Variants in MLXIPL observed in about 807,000 individuals in gnomAD.
MLXIPL encodes the protein MLX interacting protein like, also known as carbohydrate-responsive element-binding protein.
MLXIPL carries 49 observed loss-of-function variants against 81.5 expected under a neutral mutation model. That is an observed-to-expected ratio of 0.60 (90% CI 0.48 to 0.76). The LOEUF (loss-of-function observed/expected upper bound fraction) is 0.76. Ranked by LOEUF, MLXIPL falls within the 30% of genes least tolerant of loss-of-function variation. The pLI, the probability that MLXIPL is intolerant of heterozygous loss-of-function variation, is 0.00. For missense variants in MLXIPL, 1,053 were observed against 1,167.0 expected (o/e 0.90, Z 1.42); for synonymous variants, 466 against 485.5 (o/e 0.96, Z 0.53).
In MLXIPL at chr7:73,599,571, C is replaced by CG; in HGVS notation, c.1025dup (p.Ala343GlyfsTer33). 1 of 1,612,788 alleles carries CG rather than the reference C, an allele frequency of 6.2e-7. No individual in the cohort carries two copies. Among genetic ancestry groups the CG allele is most frequent in the Non-Finnish European group, 8.5e-7 (1 of 1,179,598 alleles). ...AGAGGTGGGTCATGGCCGAGGAAGC[C>CG]GGGGGCACCTCTGGGCCCAGGGTCC... On this transcript the variant is annotated frameshift_variant, in exon 8 of 17. Transcript: ENST00000313375. LOFTEE classifies it high-confidence loss of function.
At position 73,593,538 on chromosome 7, in the gene MLXIPL, T is replaced by A. The variant is rs1794016785; in HGVS notation, c.*327A>T. On this transcript the variant is annotated 3_prime_UTR_variant, in exon 17 of 17. Coordinates refer to ENST00000313375, the MANE Select transcript of MLXIPL (RefSeq NM_032951.3). ...GAGTTGCCAGCCTAGGCCCCCAATG[T>A]CACAGCTGCCAAGGCCTGGGGGTCA... 2.9e-6 allele frequency: 1 copy of A among 348,122 alleles called. No individual in the cohort carries two copies. The highest frequency in any genetic ancestry group is 2.1e-5 in the African/African-American group (1 of 47,202). The allele number at this position is 348,122 out of a possible 1,614,324, so 21.6% of individuals were successfully genotyped here.
chr7:73,610,873 G>C (rs1162017392), intron 2 of MLXIPL: 10 of 152,100 alleles, frequency 6.6e-5, no homozygotes, highest in African/African-American at 2.4e-4. Flanking sequence ...ACCCAGGCTG[G>C]AGTGCAGTGG....
At chr7:73,641,312 C>A in the MLXIPL span, among the ~76,000 whole-genome samples, 6 of 152,142 alleles carry the variant, frequency 3.9e-5, no homozygotes, top group Non-Finnish European at 2.9e-5. Flanking sequence ...TCACTGGGGA[C>A]CCATGGATCA....
At chr7:73,618,556 C>G (rs920023384) in intron 1 of MLXIPL, among the ~76,000 whole-genome samples, 3 of 150,384 alleles carry the variant, frequency 2.0e-5, no homozygotes, top group African/African-American at 7.3e-5. Context: ...TCTCCAAGTT[C>G]CTGTGTTTGC....
the MLXIPL span, among the ~76,000 whole-genome samples, chr7:73,631,363 A>C: frequency 6.6e-6 from 1 of 151,946 alleles, no homozygotes; most frequent in Non-Finnish European, 1.5e-5. Flanking sequence ...CTCTACAGCT[A>C]AGTGCAGCCC....
the MLXIPL span, among the ~76,000 whole-genome samples, chr7:73,633,817 C>T: frequency 3.3e-5 from 5 of 152,138 alleles, no homozygotes; most frequent in East Asian, 9.6e-4. Context: ...AAACATGCCT[C>T]TGCCTCTTTT....
upstream of MLXIPL, chr7:73,624,534 C>G: frequency 6.7e-7 from 1 of 1,497,550 alleles, no homozygotes; most frequent in East Asian, 2.6e-5. Flanking sequence ...CTCCGCGCAG[C>G]GCGGGGAACA....
At chr7:73,614,871 C>T (rs902777361) in intron 2 of MLXIPL, among the ~76,000 whole-genome samples, 10 of 146,044 alleles carry the variant, frequency 6.8e-5, no homozygotes, top group African/African-American at 1.5e-4. Flanking sequence ...AGTGCAGCGG[C>T]GCGATCTCAG....
intron 7 of MLXIPL, among the ~76,000 whole-genome samples, chr7:73,602,117 TG>T (rs1563487181): frequency 1.8e-4 from 26 of 143,154 alleles, no homozygotes; most frequent in African/African-American, 6.8e-4. Context: ...CCTGCCTGCC[TG>T]CCTGCCTGCC....
chr7:73,639,827 G>A, the MLXIPL span, among the ~76,000 whole-genome samples: 3 of 152,018 alleles, frequency 2.0e-5, no homozygotes, highest in African/African-American at 7.2e-5. Context: ...GGGAGGCTGA[G>A]GCGGGTGGAT....
Position 73,596,192 on chromosome 7 carries a change from A to T in MLXIPL, c.2019T>A (p.His673Gln). Residue 673 changes from histidine to glutamine, a missense_variant, in exon 13 of 17, where the codon CAT becomes CAA. By Grantham distance (24) the His-to-Gln change is conservative. Coordinates refer to ENST00000313375, the MANE Select transcript of MLXIPL (RefSeq NM_032951.3). This position sits in a 1 kb window ranked among gnomAD's most constrained non-coding sequence, Gnocchi z 4.7. ...FNIKLGFDTL[H>Q]GLVSTLSAQP... The stretch of plus-strand genomic sequence containing the variant: ...GGGCACTGAGTGTGCTCACGAGCCC[A>T]TGAAGGGTGTCAAACCCCAGCTTGA... 1 of 1,613,500 alleles carries T rather than the reference A, an allele frequency of 6.2e-7. No individual in the cohort carries two copies. Among genetic ancestry groups the T allele is most frequent in the Non-Finnish European group, 8.5e-7 (1 of 1,179,980 alleles).
chr7:73,604,303 G>A (rs1554597263), intron 7 of MLXIPL, among the ~76,000 whole-genome samples: 1 of 147,014 alleles, frequency 6.8e-6, no homozygotes, highest in Non-Finnish European at 1.5e-5. Flanking sequence ...TGGGCACGGT[G>A]GCACACACCT....
upstream of MLXIPL, chr7:73,624,536 CG>C: frequency 6.7e-7 from 1 of 1,494,684 alleles, no homozygotes; most frequent in Non-Finnish European, 8.9e-7. Context: ...CCGCGCAGCG[CG>C]GGGAACAGCT....
chr7:73,630,734 G>C, the MLXIPL span, among the ~76,000 whole-genome samples: 1 of 152,150 alleles, frequency 6.6e-6, no homozygotes, highest in Non-Finnish European at 1.5e-5. Flanking sequence ...AAACTCAAAG[G>C]GCTGGCCATT....
chr7:73,602,541 G>A (rs1440806119), intron 7 of MLXIPL, among the ~76,000 whole-genome samples: 3 of 151,930 alleles, frequency 2.0e-5, no homozygotes, highest in East Asian at 1.9e-4. Context: ...TTAGTCAGGC[G>A]TGGTGGCGGG....
rs73702545 is a variant in MLXIPL at position 73,607,486 on chromosome 7, T to C, written c.484-66A>G. 12,113 of 1,532,416 alleles carry C rather than the reference T, an allele frequency of 7.9e-3. 901 individuals carry two copies. The African/African-American group carries it at 0.15, about 19-fold the overall frequency. 94.9% of individuals were successfully genotyped at this position (1,532,416 alleles called of 1,614,324 possible). ...AGCACCGCACACCCATCTCCCACCCTTCACCCCATCCCTGTCTGCTCAGCG... is the reference window on the plus strand; with the variant it reads ...AGCACCGCACACCCATCTCCCACCCCTCACCCCATCCCTGTCTGCTCAGCG... On this transcript the variant is annotated intron_variant, in intron 3 of 16. Transcript: ENST00000313375.
At chr7:73,614,525 G>T (rs1217874587) in intron 2 of MLXIPL, among the ~76,000 whole-genome samples, 1 of 152,190 alleles carries the variant, frequency 6.6e-6, no homozygotes, top group Non-Finnish European at 1.5e-5. Context: ...AGAATACTGC[G>T]TGTGGTCTCT....
At chr7:73,626,937 A>G (rs34958022), upstream of MLXIPL, among the ~76,000 whole-genome samples, 114 of 152,312 alleles carry the variant, frequency 7.5e-4, 1 homozygote, top group East Asian at 0.014. Flanking sequence ...CACAGCACCT[A>G]GGATCACAAT....
At chr7:73,626,598 C>T (rs142970304), upstream of MLXIPL, among the ~76,000 whole-genome samples, 2 of 152,218 alleles carry the variant, frequency 1.3e-5, no homozygotes, top group African/African-American at 4.8e-5. Context: ...AGAAACCAGA[C>T]TGAGGCATTC....
Sources: gnomAD v4.1 joint callset for allele counts (sites outside exome capture counted in the v4.1 genomes callset) on GRCh38, gnomAD v4.1.1 for gene constraint, Gnocchi (gnomAD v3.1) non-coding constraint, MANE v1.5 for transcripts, NCBI Gene and HGNC (gene_info 2026-07-23, HGNC 2026-07-21) for gene names.